Variants in LOXL2 observed in about 807,000 individuals in gnomAD.
LOXL2 encodes lysyl oxidase homolog 2.
A neutral mutation model predicts 93.0 loss-of-function variants in LOXL2; 70 were observed. The observed-to-expected ratio is 0.75, with a 90% CI of 0.62 to 0.92. The LOEUF (loss-of-function observed/expected upper bound fraction) is 0.92. Ranked by LOEUF, LOXL2 falls within the 40% of genes least tolerant of loss-of-function variation. The pLI, the probability that LOXL2 is intolerant of heterozygous loss-of-function variation, is 0.00. For synonymous variants in LOXL2, 438 were observed against 413.2 expected, an observed-to-expected ratio of 1.06 and a Z score of -0.73; for missense variants, 973 against 1,054.9, an observed-to-expected ratio of 0.92 and a Z score of 1.08.
At position 23,389,371 on chromosome 8, in the gene LOXL2, T is replaced by A. The variant is rs146979105; in HGVS notation, c.-84+14583A>T. On this transcript the variant is annotated intron_variant, in intron 1 of 13. Transcript: ENST00000389131. ...CAATCCGTTTTGAATCATTTCATCA[T>A]CCACCTAAAAAGGCATTCTGTGTTA... 7.5e-4 allele frequency among the ~76,000 whole-genome samples: 114 copies of A among 152,304 alleles called. 1 individual carries two copies. The highest frequency in any genetic ancestry group is 2.7e-3 in the African/African-American group (111 of 41,568).
chr8:23,341,757 C>T (rs772844531), intron 3 of LOXL2, among the ~76,000 whole-genome samples: 4 of 152,206 alleles, frequency 2.6e-5, no homozygotes, highest in Non-Finnish European at 5.9e-5. Context: ...GGGCATTCCT[C>T]TCTTCAAAAA....
At chr8:23,400,966 A>G (rs187005611) in intron 1 of LOXL2, among the ~76,000 whole-genome samples, 21 of 152,314 alleles carry the variant, frequency 1.4e-4, no homozygotes, top group Non-Finnish European at 7.4e-5. Flanking sequence ...GATTTCTGAC[A>G]GCAGGTGTAT....
chr8:23,387,099 G>A (rs552351444), intron 1 of LOXL2, among the ~76,000 whole-genome samples: 12 of 152,328 alleles, frequency 7.9e-5, no homozygotes, highest in Admixed American at 6.5e-4. Context: ...GTCTCTGACT[G>A]ACACAAATAA....
At chr8:23,331,794 G>A (rs1460322447) in intron 5 of LOXL2, 2 of 152,182 alleles carry the variant, frequency 1.3e-5, no homozygotes, top group African/African-American at 2.4e-5. Flanking sequence ...CCAGCACTTT[G>A]GGAGGCTGAG....
At chr8:23,312,259 A>G (rs1803330367) in intron 9 of LOXL2, among the ~76,000 whole-genome samples, 2 of 150,242 alleles carry the variant, frequency 1.3e-5, no homozygotes, top group African/African-American at 4.9e-5. Context: ...AAACTATTCC[A>G]ATCAATAGAA....
At chr8:23,322,485 G>T (rs1258775532) in intron 6 of LOXL2, among the ~76,000 whole-genome samples, 1 of 152,172 alleles carries the variant, frequency 6.6e-6, no homozygotes, top group African/African-American at 2.4e-5. Context: ...TCCCCCAAGA[G>T]CAAATAAAGT....
chr8:23,381,736 C>T (rs991660842), intron 1 of LOXL2, among the ~76,000 whole-genome samples: 1 of 152,200 alleles, frequency 6.6e-6, no homozygotes, highest in Admixed American at 6.5e-5. Context: ...GAAACACTGC[C>T]AGGCTTTCTG....
chr8:23,361,923 G>A (rs1804299198), intron 2 of LOXL2, among the ~76,000 whole-genome samples: 1 of 152,178 alleles, frequency 6.6e-6, no homozygotes, highest in Non-Finnish European at 1.5e-5. Flanking sequence ...GAACCCTTGT[G>A]CACTGTTGAT....
In LOXL2 at chr8:23,341,199, A is replaced by G. The variant is rs1803877607; in HGVS notation, c.536T>C (p.Leu179Pro). ...DNSLINQIEN[L>P]NIQVEDIRIR... ...CCGAATGTCCTCCACCTGGATATTCAGGTTCTGGGAAGAAAGAGGCGTGGA... is the reference window on the plus strand; with the variant it reads ...CCGAATGTCCTCCACCTGGATATTCGGGTTCTGGGAAGAAAGAGGCGTGGA... The change falls in exon 4 of 14, where the codon CTG (leucine) becomes CCG (proline). Residue 179 changes from leucine (L) to proline (P), a missense_variant. By Grantham distance (98) the Leu-to-Pro change is moderately conservative. Transcript: ENST00000389131. 1.2e-6 allele frequency: 2 copies of G among 1,612,528 alleles called. No homozygotes were observed. The highest frequency in any genetic ancestry group is 4.5e-5 in the East Asian group (2 of 44,860).
At chr8:23,318,189 C>A (rs62503972) in intron 8 of LOXL2, among the ~76,000 whole-genome samples, 82,135 of 129,840 alleles carry the variant, frequency 0.63, 24,847 homozygotes, top group Non-Finnish European at 0.71. Context: ...AAAAAAAAAA[C>A]CCAAAAAACC....
At chr8:23,315,177 G>A (rs1014589219) in intron 9 of LOXL2, among the ~76,000 whole-genome samples, 4 of 152,272 alleles carry the variant, frequency 2.6e-5, no homozygotes, top group African/African-American at 9.6e-5. Flanking sequence ...AACAGTGGCA[G>A]GGAAAGACAT....
intron 10 of LOXL2, among the ~76,000 whole-genome samples, chr8:23,308,205 A>T (rs1457892246): frequency 6.6e-6 from 1 of 152,192 alleles, no homozygotes. Context: ...TGATGACCAC[A>T]TTCCGGAGCT....
At chr8:23,302,908 G>A (rs900828796) in intron 11 of LOXL2, among the ~76,000 whole-genome samples, 2 of 152,166 alleles carry the variant, frequency 1.3e-5, no homozygotes, top group Non-Finnish European at 2.9e-5. Flanking sequence ...ACCTGGTGTG[G>A]TAGGGACACT....
At chr8:23,332,389 TACAC>T (rs1159719571) in intron 5 of LOXL2, among the ~76,000 whole-genome samples, 35 of 81,716 alleles carry the variant, frequency 4.3e-4, no homozygotes, top group South Asian at 1.9e-3. Context: ...TACACACTCA[TACAC>T]ACACACTCAT....
chr8:23,328,630 C>T (rs1803626649), intron 5 of LOXL2, 65 bp from the exon 6 acceptor site: 1 of 1,491,612 alleles, frequency 6.7e-7, no homozygotes, highest in African/African-American at 1.4e-5. Flanking sequence ...GACCACTGTC[C>T]CCGCCCCCTC....
chr8:23,369,468 G>C (rs1804464227), intron 1 of LOXL2, among the ~76,000 whole-genome samples: 1 of 152,142 alleles, frequency 6.6e-6, no homozygotes, highest in African/African-American at 2.4e-5. Flanking sequence ...TTAACCCTAT[G>C]CAGAGGAGTA....
chr8:23,352,580 C>A (rs1804112337), intron 3 of LOXL2, among the ~76,000 whole-genome samples: 1 of 152,164 alleles, frequency 6.6e-6, no homozygotes, highest in African/African-American at 2.4e-5. Flanking sequence ...GACAGAGCTG[C>A]TGCTGGGAGG....
At chr8:23,302,632 A>T (rs964893096) in intron 11 of LOXL2, among the ~76,000 whole-genome samples, 4 of 152,222 alleles carry the variant, frequency 2.6e-5, no homozygotes, top group Non-Finnish European at 5.9e-5. Context: ...ATTTCACGGC[A>T]AGTCAGTGGC....
At chr8:23,346,612 G>A (rs1421237536) in intron 3 of LOXL2, among the ~76,000 whole-genome samples, 4 of 152,194 alleles carry the variant, frequency 2.6e-5, no homozygotes, top group Non-Finnish European at 5.9e-5. Context: ...TGGGGCTGTC[G>A]CCAATGAGGA....
Sources: gnomAD v4.1 joint callset for allele counts (sites outside exome capture counted in the v4.1 genomes callset) on GRCh38, gnomAD v4.1.1 for gene constraint, MANE v1.5 for transcripts, NCBI Gene and HGNC (gene_info 2026-07-23, HGNC 2026-07-21) for gene names.